RCN2: variants seen among roughly 807,000 people sequenced by gnomAD.
RCN2 encodes reticulocalbin-2.
Under a neutral mutation model 37.5 loss-of-function variants are expected in RCN2, and 23 were observed. That is an observed-to-expected ratio of 0.61 (90% CI 0.44 to 0.87). The LOEUF is 0.87. RCN2 is among the 40% of genes least tolerant of loss of function. The pLI is 0.00. For missense variants in RCN2, 381 were observed against 390.4 expected, an observed-to-expected ratio of 0.98 and a Z score of 0.20; for synonymous variants, 140 against 144.6, an observed-to-expected ratio of 0.97 and a Z score of 0.23.
chr15:76,940,855 C>G (rs1199001846), intron 3 of RCN2, among the ~76,000 whole-genome samples: 1 of 151,400 alleles, frequency 6.6e-6, no homozygotes, highest in Non-Finnish European at 1.5e-5. Context: ...AACCACCATG[C>G]CCAGTCTGAA....
Position 76,943,824 on chromosome 15 carries a change from G to A in RCN2, c.514G>A (p.Glu172Lys). The A allele has an allele frequency of 1.9e-6, 3 of 1,611,280 alleles. No individual in the cohort carries two copies. Among genetic ancestry groups the A allele is most frequent in the Non-Finnish European group, 1.7e-6 (2 of 1,177,930 alleles). ...NQDSGPGLSL[E>K]EFIAFEHPEE... is the part of the protein sequence containing the mutation. Reference sequence around the variant, plus strand: ...GGATTCAGGTCCCGGTTTGAGTCTTGAAGAATTTATTGCTTTTGAGCATCC... The same window carrying A: ...GGATTCAGGTCCCGGTTTGAGTCTTAAAGAATTTATTGCTTTTGAGCATCC... Residue 172 changes from glutamate (E) to lysine (K), a missense_variant, in exon 4 of 7, where the codon GAA becomes AAA. By Grantham distance (56) the Glu-to-Lys change is moderately conservative. Transcript: ENST00000394885.
intron 2 of RCN2, among the ~76,000 whole-genome samples, chr15:76,933,811 C>G (rs1350996155): frequency 2.6e-5 from 4 of 152,000 alleles, no homozygotes; most frequent in Admixed American, 1.3e-4. Context: ...ACTTGAGGAC[C>G]CTTAAGATAA....
In RCN2 at chr15:76,954,103, G is replaced by A. The variant is rs907808583; in HGVS notation, c.*4881G>A. ...CCTGTTGGGTGAGACGTGGTATCTC[G>A]TTGTGGCTTTGATTTGCATTTCCCT... On this transcript the variant is annotated 3_prime_UTR_variant, in exon 7 of 7. Transcript: ENST00000394885. 2.8e-5 allele frequency: 4 copies of A among 140,872 alleles called. No individual in the cohort carries two copies. Among genetic ancestry groups the A allele is most frequent in the South Asian group, 4.4e-4 (2 of 4,506 alleles). 8.7% of individuals were successfully genotyped at this position (140,872 alleles called of 1,614,324 possible).
Position 76,950,096 on chromosome 15 carries a change from C to T in RCN2, c.*874C>T, listed in dbSNP as rs1028559717. 1 of 151,676 alleles carries T rather than the reference C, an allele frequency of 6.6e-6. No homozygotes were observed. Among genetic ancestry groups the T allele is most frequent in the Non-Finnish European group, 1.5e-5 (1 of 67,958 alleles). 9.4% of individuals were successfully genotyped at this position (151,676 alleles called of 1,614,324 possible). A position where few individuals can be genotyped will look rare whatever the true frequency, so the allele number is the denominator to read the frequency against. On this transcript the variant is annotated 3_prime_UTR_variant, in exon 7 of 7. Transcript: ENST00000394885. ...ATGTTATAATATAATTGAATGTGCACCTGACACATTTTAATAATTGGTGTT... is the reference window on the plus strand; with the variant it reads ...ATGTTATAATATAATTGAATGTGCATCTGACACATTTTAATAATTGGTGTT...
At chr15:76,935,963 C>T (rs1312539215) in intron 3 of RCN2, among the ~76,000 whole-genome samples, 1 of 152,050 alleles carries the variant, frequency 6.6e-6, no homozygotes, top group Non-Finnish European at 1.5e-5. Flanking sequence ...TTTAATTGTC[C>T]TCATTTCCAG....
At position 76,953,553 on chromosome 15, in the gene RCN2, TTC is replaced by T. The variant is rs1336198980; in HGVS notation, c.*4333_*4334del. ...GTGGGATTGCTGGATCATATAGTAA[TTC>T]TATATATATATATATATATATATAT... On this transcript the variant is annotated 3_prime_UTR_variant, in exon 7 of 7. Transcript: ENST00000394885. 39 of 77,506 alleles carry T rather than the reference TTC, an allele frequency of 5.0e-4. No homozygotes were observed. Among genetic ancestry groups the T allele is most frequent in the African/African-American group, 1.7e-3 (31 of 17,858 alleles). The allele number at this position is 77,506 out of a possible 1,614,324, so 4.8% of individuals were successfully genotyped here.
Position 76,949,320 on chromosome 15 carries a change from A to G in RCN2, c.*98A>G, listed in dbSNP as rs2075309676. 8 of 824,662 alleles carry G rather than the reference A, an allele frequency of 9.7e-6. No individual in the cohort carries two copies. The East Asian group carries it at 2.3e-4, about 24-fold the overall frequency. The allele number at this position is 824,662 out of a possible 1,614,324, so 51.1% of individuals were successfully genotyped here. ...ATTGATGTTGTATTTTACACTCTTA[A>G]GTCTTAACCACAGTCAGAATTATCT... On this transcript the variant is annotated 3_prime_UTR_variant, in exon 7 of 7. Transcript: ENST00000394885.
rs2075284625 is a variant in RCN2 at position 76,943,775 on chromosome 15, G to GTTTTTCA, written c.465_466insTTTTTCA (p.Lys156PhefsTer6). On this transcript the variant is annotated frameshift_variant, in exon 4 of 7. Transcript: ENST00000394885. LOFTEE classifies it high-confidence loss of function. ...TTTCAAAGCTTCACTTAAAGGACAAGAAGCGATTTGAAAAAGCTAACCAGG... is the reference window on the plus strand; with the variant it reads ...TTTCAAAGCTTCACTTAAAGGACAAGTTTTTCAAAGCGATTTGAAAAAGCTAACCAGG... 6.2e-7 allele frequency: 1 copy of GTTTTTCA among 1,603,164 alleles called. No individual in the cohort carries two copies. Among genetic ancestry groups the GTTTTTCA allele is most frequent in the African/African-American group, 1.3e-5 (1 of 74,702 alleles).
chr15:76,942,565 A>T (rs887880631), intron 3 of RCN2: 2 of 152,180 alleles, frequency 1.3e-5, no homozygotes, highest in African/African-American at 4.8e-5. Context: ...GTGTTTATTA[A>T]ACCTTAACAT....
rs749533283 is a variant in RCN2 at position 76,943,875 on chromosome 15, A to C, written c.561+4A>C. The C allele has an allele frequency of 5.3e-6, 8 of 1,499,210 alleles. No homozygotes were observed. The highest frequency in any genetic ancestry group is 7.4e-6 in the Non-Finnish European group (8 of 1,086,150). 92.9% of individuals were successfully genotyped at this position (1,499,210 alleles called of 1,614,324 possible). A position where few individuals can be genotyped will look rare whatever the true frequency, so the allele number is the denominator to read the frequency against. ...TGAAGAAGTTGATTATATGACGGTA[A>C]GAAAGAAACATTTTTAAGAGAATTA... is the stretch of plus-strand genomic sequence containing the variant. On this transcript the variant is annotated splice_donor_region_variant and intron_variant, in intron 4 of 6. Transcript: ENST00000394885.
chr15:76,941,391 T>TA (rs1276538945), intron 3 of RCN2: 1 of 313,802 alleles, frequency 3.2e-6, no homozygotes, highest in Non-Finnish European at 5.8e-6. Flanking sequence ...TTTTAATGCC[T>TA]AGTCATTTGT....
In RCN2 at chr15:76,952,276, G is replaced by A. The variant is rs2075324882; in HGVS notation, c.*3054G>A. On this transcript the variant is annotated 3_prime_UTR_variant, in exon 7 of 7. Transcript: ENST00000394885. ...TTGGTGCTGCACATGCTCTGGGTTTGGACAAATGTATAATTACATATTCCC... is the reference window on the plus strand; with the variant it reads ...TTGGTGCTGCACATGCTCTGGGTTTAGACAAATGTATAATTACATATTCCC... 1 of 152,016 alleles carries A rather than the reference G, an allele frequency of 6.6e-6. No individual in the cohort carries two copies. Among genetic ancestry groups the A allele is most frequent in the South Asian group, 2.1e-4 (1 of 4,826 alleles). The allele number at this position is 152,016 out of a possible 1,614,324, so 9.4% of individuals were successfully genotyped here.
At chr15:76,933,284 C>T (rs1481256670) in intron 2 of RCN2, among the ~76,000 whole-genome samples, 1 of 152,218 alleles carries the variant, frequency 6.6e-6, no homozygotes, top group East Asian at 1.9e-4. Flanking sequence ...TTTTCTGTAA[C>T]TCTCATTTAA....
intron 3 of RCN2, among the ~76,000 whole-genome samples, chr15:76,937,740 T>G (rs751013617): frequency 1.3e-5 from 2 of 152,188 alleles, no homozygotes; most frequent in Admixed American, 6.6e-5. Context: ...ATTTAGTATC[T>G]GTGTGAGTTC....
At chr15:76,934,981 A>ATT (rs955177684) in intron 2 of RCN2, among the ~76,000 whole-genome samples, 2 of 152,220 alleles carry the variant, frequency 1.3e-5, no homozygotes, top group African/African-American at 4.8e-5. Flanking sequence ...TGAACAGAAC[A>ATT]TACCCAAACT....
rs1161654711 is a variant in RCN2 at position 76,951,880 on chromosome 15, T to C, written c.*2658T>C. On this transcript the variant is annotated 3_prime_UTR_variant, in exon 7 of 7. Transcript: ENST00000394885. The stretch of plus-strand genomic sequence containing the variant: ...TGGGATGTGCACATGTTGGCTCATA[T>C]GTAGTTCTGATTGGGCCAATTTGCA... 3.9e-5 allele frequency: 6 copies of C among 152,184 alleles called. No individual in the cohort carries two copies. Among genetic ancestry groups the C allele is most frequent in the Admixed American group, 3.3e-4 (5 of 15,268 alleles). 9.4% of individuals were successfully genotyped at this position (152,184 alleles called of 1,614,324 possible).
At chr15:76,932,537 G>A in intron 2 of RCN2, 71 bp downstream of exon 2, 1 of 1,045,302 alleles carries the variant, frequency 9.6e-7, no homozygotes, top group Non-Finnish European at 1.5e-6. Flanking sequence ...TCTGCTGAAT[G>A]TATAGATTGC....
chr15:76,946,234 C>G (rs147596517), intron 4 of RCN2, among the ~76,000 whole-genome samples: 92 of 150,758 alleles, frequency 6.1e-4, no homozygotes, highest in Non-Finnish European at 1.1e-3. Context: ...GGCAGGAGGA[C>G]AGCTTGAGGC....
chr15:76,940,765 T>C (rs898074411), intron 3 of RCN2, among the ~76,000 whole-genome samples: 9 of 152,032 alleles, frequency 5.9e-5, no homozygotes, highest in Non-Finnish European at 8.8e-5. Context: ...TTTCACCACG[T>C]TGGTCAGGCT....
Sources: allele counts gnomAD v4.1 joint callset (sites outside exome capture counted in the v4.1 genomes callset), GRCh38; gene constraint gnomAD v4.1.1; transcripts MANE v1.5; gene names NCBI Gene and HGNC (gene_info 2026-07-23, HGNC 2026-07-21).